Variants in PPFIA1 observed in about 807,000 individuals in gnomAD.
PPFIA1 encodes liprin-alpha-1.
Under a neutral mutation model 149.9 loss-of-function variants are expected in PPFIA1, and 25 were observed. The observed-to-expected ratio is 0.17, with a 90% CI of 0.12 to 0.23. The LOEUF (loss-of-function observed/expected upper bound fraction) is 0.23. Ranked by LOEUF, PPFIA1 falls within the 10% of genes least tolerant of loss-of-function variation. The probability of loss-of-function intolerance (pLI) is 1.00; values close to 1 mark genes in which losing one functional copy is unlikely to be tolerated. For synonymous variants in PPFIA1, 549 were observed against 552.8 expected (o/e 0.99, Z 0.10); for missense variants, 1,362 against 1,506.5 (o/e 0.90, Z 1.59).
At chr11:70,338,244 A>G (rs1204449254) in intron 12 of PPFIA1, 130 bp from the exon 13 acceptor site, 1 of 712,646 alleles carries the variant, frequency 1.4e-6, no homozygotes, top group Non-Finnish European at 2.4e-6. Flanking sequence ...TCCCAGAATT[A>G]AAATGTTTGG....
At chr11:70,358,097 A>C (rs181809626) in intron 19 of PPFIA1, 2 of 152,322 alleles carry the variant, frequency 1.3e-5, no homozygotes, top group East Asian at 1.9e-4. Flanking sequence ...GGAAGTTCTG[A>C]AATGTACCAG....
chr11:70,276,342 C>T (rs2136015990), intron 2 of PPFIA1, among the ~76,000 whole-genome samples: 1 of 151,518 alleles, frequency 6.6e-6, no homozygotes, highest in South Asian at 2.1e-4. Flanking sequence ...TGAGAAAGAG[C>T]ACCTCCCTTT....
rs930979344 is a variant in PPFIA1, at chr11:70,270,781, C to G, written c.-134C>G. 1 of 150,008 alleles carries G rather than the reference C, an allele frequency of 6.7e-6. No individual in the cohort carries two copies. Among genetic ancestry groups the G allele is most frequent in the African/African-American group, 2.4e-5 (1 of 41,132 alleles). 9.3% of individuals were successfully genotyped at this position (150,008 alleles called of 1,614,324 possible). A position where few individuals can be genotyped will look rare whatever the true frequency, so the allele number is the denominator to read the frequency against. On this transcript the variant is annotated 5_prime_UTR_variant, in exon 1 of 28. Coordinates refer to ENST00000253925, the MANE Select transcript of PPFIA1 (RefSeq NM_003626.5). ...CCTTAGTGACTGGGGCGGCGGGCCC[C>G]GGGGCCGCGGCGTGGGGCGGGCAGG...
chr11:70,280,678 C>A (rs1002295815), intron 2 of PPFIA1, among the ~76,000 whole-genome samples: 1 of 152,212 alleles, frequency 6.6e-6, no homozygotes, highest in African/African-American at 2.4e-5. Flanking sequence ...AGCAATCCTT[C>A]TGCCTCAGCC....
chr11:70,289,375 C>T (rs1175727994), intron 2 of PPFIA1, among the ~76,000 whole-genome samples: 2 of 151,998 alleles, frequency 1.3e-5, no homozygotes, highest in African/African-American at 2.4e-5. Flanking sequence ...AGTTTTTTCC[C>T]CTTATTTTAT....
At position 70,270,804 on chromosome 11, in the gene PPFIA1, AG is replaced by A. The variant is rs2050022311; in HGVS notation, c.-109del. 6.7e-6 allele frequency: 1 copy of A among 149,542 alleles called. No individual in the cohort carries two copies. Among genetic ancestry groups the A allele is most frequent in the Non-Finnish European group, 1.5e-5 (1 of 67,042 alleles). The allele number at this position is 149,542 out of a possible 1,614,324, so 9.3% of individuals were successfully genotyped here. Reference sequence around the variant, plus strand: ...CCCGGGGCCGCGGCGTGGGGCGGGCAGGCGGACGCCGGCCGCGGGCTGCTTT... The same window carrying A: ...CCCGGGGCCGCGGCGTGGGGCGGGCAGCGGACGCCGGCCGCGGGCTGCTTT... On this transcript the variant is annotated 5_prime_UTR_variant, in exon 1 of 28. Coordinates refer to ENST00000253925, the MANE Select transcript of PPFIA1 (RefSeq NM_003626.5).
At chr11:70,331,870 C>A in intron 8 of PPFIA1, 90 bp from the exon 9 acceptor site, 1 of 1,399,908 alleles carries the variant, frequency 7.1e-7, no homozygotes, top group Non-Finnish European at 9.6e-7. Context: ...CTCTCTTAGT[C>A]TGTATCTGCA....
intron 6 of PPFIA1, 32 bp from the exon 7 acceptor site, chr11:70,326,565 G>T: frequency 6.5e-7 from 1 of 1,529,160 alleles, no homozygotes; most frequent in South Asian, 1.2e-5. Flanking sequence ...ACCAAACAAG[G>T]GTATTTAAGG....
At chr11:70,283,704 C>T (rs1015441771) in intron 2 of PPFIA1, among the ~76,000 whole-genome samples, 3 of 137,824 alleles carry the variant, frequency 2.2e-5, no homozygotes, top group South Asian at 2.3e-4. Flanking sequence ...AACAACCTGG[C>T]GGAATTGTGT....
At chr11:70,342,813 A>G (rs2055415089) in intron 14 of PPFIA1, among the ~76,000 whole-genome samples, 1 of 152,212 alleles carries the variant, frequency 6.6e-6, no homozygotes, top group Non-Finnish European at 1.5e-5. Flanking sequence ...TATATGTGAT[A>G]ATTTGATACA....
At chr11:70,345,985 T>C (rs1427660256) in intron 15 of PPFIA1, 1 of 455,376 alleles carries the variant, frequency 2.2e-6, no homozygotes, top group Non-Finnish European at 4.4e-6. Context: ...GAAGTTAACA[T>C]GGACAGTGAG....
chr11:70,313,789 G>C (rs889639168), intron 2 of PPFIA1, among the ~76,000 whole-genome samples: 1 of 152,180 alleles, frequency 6.6e-6, no homozygotes, highest in African/African-American at 2.4e-5. Flanking sequence ...ACTTTGGGAG[G>C]TGGAGGCAGG....
At position 70,348,092 on chromosome 11, in the gene PPFIA1, C is replaced by T. The variant is rs2055825522; in HGVS notation, c.1932-97C>T. ...TTGAGCAGCTTATTACTGGAGTTTACTCATAGTAATACAGAGTATAAGCAT... is the reference window on the plus strand; with the variant it reads ...TTGAGCAGCTTATTACTGGAGTTTATTCATAGTAATACAGAGTATAAGCAT... On this transcript the variant is annotated intron_variant, in intron 15 of 27. Transcript: ENST00000253925. 11 of 951,160 alleles carry T rather than the reference C, an allele frequency of 1.2e-5. No individual in the cohort carries two copies. In the South Asian group the frequency reaches 1.6e-4, roughly 14 times the overall value. The allele number at this position is 951,160 out of a possible 1,614,324, so 58.9% of individuals were successfully genotyped here.
chr11:70,374,870 A>G (rs2057418045), intron 23 of PPFIA1, 48 bp from the exon 24 acceptor site: 1 of 1,548,444 alleles, frequency 6.5e-7, no homozygotes, highest in Non-Finnish European at 8.9e-7. Context: ...CATGTGATAA[A>G]GATGGCTTTC....
At chr11:70,345,471 T>TA (rs1210520749) in intron 15 of PPFIA1, among the ~76,000 whole-genome samples, 1 of 152,020 alleles carries the variant, frequency 6.6e-6, no homozygotes, top group African/African-American at 2.4e-5. Flanking sequence ...CAAGATTTGC[T>TA]GAGGGATTGG....
chr11:70,272,044 A>G (rs1160175339), intron 1 of PPFIA1, 129 bp from the exon 2 acceptor site: 3 of 1,058,616 alleles, frequency 2.8e-6, no homozygotes, highest in Admixed American at 2.3e-5. Context: ...TTATTTACAC[A>G]CAAAGCATAA....
chr11:70,339,225 C>A lies in PPFIA1; in HGVS notation c.1626C>A (p.His542Gln), dbSNP rs2055160200. 1 of 1,614,090 alleles carries A rather than the reference C, an allele frequency of 6.2e-7. No homozygotes were observed. Among genetic ancestry groups the A allele is most frequent in the African/African-American group, 1.3e-5 (1 of 74,954 alleles). ...TCAGGTTCCCCATGGCAGACGGCCA[C>A]ACAGACTCCTACAGCACCAGTGCAG... ...PDFRFPMADG[H>Q]TDSYSTSAVL... The change falls in exon 14 of 28, where the codon CAC (histidine) becomes CAA (glutamine). Residue 542 changes from histidine (H) to glutamine (Q), a missense_variant. His to Gln is a conservative substitution (Grantham distance 24). Around this residue, in one of 7 missense-constraint regions of PPFIA1, gnomAD observed 733 missense variants for 744.1 expected, o/e 0.99. Coordinates refer to ENST00000253925, the MANE Select transcript of PPFIA1 (RefSeq NM_003626.5).
At chr11:70,276,019 A>T (rs1226634873) in intron 2 of PPFIA1, among the ~76,000 whole-genome samples, 1 of 152,216 alleles carries the variant, frequency 6.6e-6, no homozygotes, top group East Asian at 1.9e-4. Context: ...TTTAAAAACC[A>T]TGAGCAGGTA....
intron 19 of PPFIA1, 40 bp from the exon 20 acceptor site, chr11:70,362,055 C>T: frequency 6.3e-7 from 1 of 1,589,406 alleles, no homozygotes; most frequent in Non-Finnish European, 8.6e-7. Flanking sequence ...GCTACCATGC[C>T]TGGCTGATTC....
Sources: allele counts gnomAD v4.1 joint callset (sites outside exome capture counted in the v4.1 genomes callset), GRCh38; gene constraint gnomAD v4.1.1; regional missense constraint gnomAD v4.1.1; transcripts MANE v1.5; gene names NCBI Gene and HGNC (gene_info 2026-07-23, HGNC 2026-07-21).